The following FLYWCH2 variants were observed in gnomAD, a reference collection of about 807,000 sequenced individuals.
FLYWCH2 encodes FLYWCH family member 2.
In FLYWCH2, 2 loss-of-function variants were observed where a neutral mutation model predicts 6.0. The ratio of observed to expected loss-of-function variants is 0.33; its 90% CI spans 0.14 to 1.04. The LOEUF is 1.04. Ranked by LOEUF, FLYWCH2 falls within the 50% of genes least tolerant of loss-of-function variation. The pLI is 0.45. For synonymous variants in FLYWCH2, 87 were observed against 79.3 expected (o/e 1.10, Z -0.52); for missense variants, 192 against 183.4 (o/e 1.05, Z -0.27).
intron 1 of FLYWCH2, among the ~76,000 whole-genome samples, chr16:2,892,053 G>A (rs2069763718): frequency 6.6e-6 from 1 of 151,240 alleles, no homozygotes; most frequent in Non-Finnish European, 1.5e-5. Context: ...TTAGCTGGGA[G>A]TAGTGGCCGG....
rs758884212 is a variant in FLYWCH2 at position 2,896,599 on chromosome 16, C to T, written c.150C>T (p.Asp50=). Residue 50 remains aspartate (D), a synonymous_variant, in exon 3 of 4, where the codon GAC becomes GAT. Transcript: ENST00000396958. ...SKLVLLTASK[D]STKVAGAKRK... is the part of the protein sequence containing the mutation. Reference sequence around the variant, plus strand: ...TGGTCCTGCTCACAGCCTCCAAAGACAGCACCAAGGTGGCGGGGGCCAAGC... The same window carrying T: ...TGGTCCTGCTCACAGCCTCCAAAGATAGCACCAAGGTGGCGGGGGCCAAGC... The T allele has an allele frequency of 6.2e-7, 1 of 1,614,180 alleles. No homozygotes were observed.
chr16:2,891,719 A>G (rs1222164113), intron 1 of FLYWCH2, among the ~76,000 whole-genome samples: 1 of 147,930 alleles, frequency 6.8e-6, no homozygotes, highest in Non-Finnish European at 1.5e-5. Flanking sequence ...CTTTTATTTT[A>G]TTTAATTTGT....
chr16:2,899,274 T>G lies in FLYWCH2; in HGVS notation c.*125T>G. 1 of 575,456 alleles carries G rather than the reference T, an allele frequency of 1.7e-6. No homozygotes were observed. The highest frequency in any genetic ancestry group is 2.9e-6 in the Non-Finnish European group (1 of 344,208). The allele number at this position is 575,456 out of a possible 1,614,324, so 35.6% of individuals were successfully genotyped here. ...ACATTGTGTGATTTCTTTTCTTTTT[T>G]TTTTTTTTTTTAGATCAAGTATAAG... On this transcript the variant is annotated 3_prime_UTR_variant, in exon 4 of 4. Coordinates refer to ENST00000396958, the MANE Select transcript of FLYWCH2 (RefSeq NM_138439.3).
Position 2,899,238 on chromosome 16 carries a change from C to A in FLYWCH2, c.*89C>A. 1.2e-4 allele frequency: 72 copies of A among 615,224 alleles called. No individual in the cohort carries two copies. The highest frequency in any genetic ancestry group is 1.7e-4 in the Non-Finnish European group (64 of 376,634). The allele number at this position is 615,224 out of a possible 1,614,324, so 38.1% of individuals were successfully genotyped here. ...GGCTTCTGGGGCCAAATGGGTGAATCTTTGCTTTTAACATTGTGTGATTTC... is the reference window on the plus strand; with the variant it reads ...GGCTTCTGGGGCCAAATGGGTGAATATTTGCTTTTAACATTGTGTGATTTC... On this transcript the variant is annotated 3_prime_UTR_variant, in exon 4 of 4. Coordinates refer to ENST00000396958, the MANE Select transcript of FLYWCH2 (RefSeq NM_138439.3).
chr16:2,897,626 A>G (rs1396207858), intron 3 of FLYWCH2, among the ~76,000 whole-genome samples: 1 of 152,158 alleles, frequency 6.6e-6, no homozygotes, highest in Non-Finnish European at 1.5e-5. Context: ...ATGGGATGAG[A>G]GCAGGGCTGC....
At chr16:2,898,755 A>G (rs1212243466) in intron 3 of FLYWCH2, 2 of 305,186 alleles carry the variant, frequency 6.6e-6, no homozygotes. Flanking sequence ...CAACTCCTCC[A>G]TCCTTCCATC....
At chr16:2,895,161 G>A (rs2069804291) in intron 1 of FLYWCH2, 59 bp from the exon 2 acceptor site, 1 of 152,258 alleles carries the variant, frequency 6.6e-6, no homozygotes, top group African/African-American at 2.4e-5. Context: ...CAGCACCAGT[G>A]TGGGGTGGCC....
Position 2,896,499 on chromosome 16 carries a change from G to A in FLYWCH2, c.50G>A (p.Ser17Asn), listed in dbSNP as rs2069821582. 1.2e-6 allele frequency: 2 copies of A among 1,614,056 alleles called. No homozygotes were observed. Among genetic ancestry groups the A allele is most frequent in the African/African-American group, 1.3e-5 (1 of 75,056 alleles). The change falls in exon 3 of 4, where the codon AGC becomes AAC. Residue 17 changes from serine (S) to asparagine (N), a missense_variant. Coordinates refer to ENST00000396958, the MANE Select transcript of FLYWCH2 (RefSeq NM_138439.3). The stretch of plus-strand genomic sequence containing the variant: ...CAGGAGGGTGAGAGTGTGAAGGCCA[G>A]CCAGGAGCCATCCCCCAAGCCAGGC... The part of the protein sequence containing the change: ...SEQEGESVKA[S>N]QEPSPKPGTE...
At chr16:2,898,770 C>G (rs1022681442) in intron 3 of FLYWCH2, 4 of 330,502 alleles carry the variant, frequency 1.2e-5, no homozygotes, top group African/African-American at 8.6e-5. Flanking sequence ...TCCATCCCCA[C>G]CCCAGGTCCA....
Position 2,899,268 on chromosome 16 carries a change from CTTTTTT to C in FLYWCH2, c.*131_*136del. On this transcript the variant is annotated 3_prime_UTR_variant, in exon 4 of 4. Coordinates refer to ENST00000396958, the MANE Select transcript of FLYWCH2 (RefSeq NM_138439.3). Reference sequence around the variant, plus strand: ...CTTTTAACATTGTGTGATTTCTTTTCTTTTTTTTTTTTTTTTTAGATCAAGTATAAG... The same window carrying C: ...CTTTTAACATTGTGTGATTTCTTTTCTTTTTTTTTTTAGATCAAGTATAAG... The C allele has an allele frequency of 4.7e-6, 2 of 424,428 alleles. No homozygotes were observed. Among genetic ancestry groups the C allele is most frequent in the East Asian group, 3.8e-5 (1 of 26,306 alleles). The allele number at this position is 424,428 out of a possible 1,614,324, so 26.3% of individuals were successfully genotyped here. A position where few individuals can be genotyped will look rare whatever the true frequency, so the allele number is the denominator to read the frequency against.
At chr16:2,894,702 C>A (rs149760092) in intron 1 of FLYWCH2, among the ~76,000 whole-genome samples, 2 of 152,234 alleles carry the variant, frequency 1.3e-5, no homozygotes. Flanking sequence ...CCCACCCCCT[C>A]GAGAAGGTGC....
intron 1 of FLYWCH2, among the ~76,000 whole-genome samples, chr16:2,888,231 A>T (rs2069720372): frequency 6.6e-6 from 1 of 151,942 alleles, no homozygotes; most frequent in African/African-American, 2.4e-5. Context: ...GCTGGTCTCA[A>T]ACTCCTGAGT....
At chr16:2,884,915 G>C (rs2069681649) in intron 1 of FLYWCH2, among the ~76,000 whole-genome samples, 1 of 151,952 alleles carries the variant, frequency 6.6e-6, no homozygotes, top group Non-Finnish European at 1.5e-5. Flanking sequence ...GATTCTTAGG[G>C]ATAGTGACAT....
At position 2,896,274 on chromosome 16, in the gene FLYWCH2, C is replaced by T. The variant is rs2069818186; in HGVS notation, c.-98-78C>T. The T allele has an allele frequency of 1.5e-5, 12 of 782,814 alleles. No homozygotes were observed. In the East Asian group the frequency reaches 2.8e-4, roughly 18 times the overall value. 48.5% of individuals were successfully genotyped at this position (782,814 alleles called of 1,614,324 possible). On this transcript the variant is annotated intron_variant, in intron 2 of 3. Transcript: ENST00000396958. ...GCGAGCAGTGAGGCAGCCCCATCTG[C>T]CCCACCTCCCTCCCAGATCCACGTC...
At chr16:2,894,943 A>G (rs2069801487) in intron 1 of FLYWCH2, among the ~76,000 whole-genome samples, 1 of 152,178 alleles carries the variant, frequency 6.6e-6, no homozygotes, top group African/African-American at 2.4e-5. Flanking sequence ...AGGTTGGGGA[A>G]TCGGCCCGAG....
chr16:2,894,285 C>A (rs533194883), intron 1 of FLYWCH2, among the ~76,000 whole-genome samples: 1 of 152,082 alleles, frequency 6.6e-6, no homozygotes. Context: ...AGTCTGGGAG[C>A]GCTGCAGTGG....
Position 2,883,274 on chromosome 16 carries a change from T to C in FLYWCH2, c.-292T>C, listed in dbSNP as rs2069660251. On this transcript the variant is annotated 5_prime_UTR_variant, in exon 1 of 4. Transcript: ENST00000396958. ...CTCGCGCTGTGACCCCGGCTTGAGG[T>C]AACAGCGCGAGCTGAGGCTGGGGCC... 6.6e-6 allele frequency: 1 copy of C among 152,264 alleles called. No homozygotes were observed. The highest frequency in any genetic ancestry group is 6.5e-5 in the Admixed American group (1 of 15,294). 9.4% of individuals were successfully genotyped at this position (152,264 alleles called of 1,614,324 possible). A position where few individuals can be genotyped will look rare whatever the true frequency, so the allele number is the denominator to read the frequency against.
At chr16:2,887,316 T>TC (rs1278134954) in intron 1 of FLYWCH2, among the ~76,000 whole-genome samples, 61 of 140,126 alleles carry the variant, frequency 4.4e-4, no homozygotes, top group Admixed American at 1.4e-3. Context: ...CGGCTTTCTT[T>TC]TTTTTTTTTT....
At position 2,899,052 on chromosome 16, in the gene FLYWCH2, C is replaced by G. The variant is rs1296478218; in HGVS notation, c.326C>G (p.Thr109Arg). 3.1e-6 allele frequency: 5 copies of G among 1,611,888 alleles called. No individual in the cohort carries two copies. The highest frequency in any genetic ancestry group is 4.2e-6 in the Non-Finnish European group (5 of 1,178,980). Residue 109 changes from threonine to arginine, a missense_variant, in exon 4 of 4, where the codon ACA (threonine) becomes AGA (arginine). Thr to Arg is a moderately conservative substitution (Grantham distance 71, BLOSUM62 -1). Transcript: ENST00000396958. ...EQKRSRQDPG[T>R]DRTEDSGLAA... The stretch of plus-strand genomic sequence containing the variant: ...GATCCACCCTCTTCTCTCGCAGGCA[C>G]AGACAGAACAGAAGACAGTGGATTA...
Sources: gnomAD v4.1 joint callset for allele counts (sites outside exome capture counted in the v4.1 genomes callset) on GRCh38, gnomAD v4.1.1 for gene constraint, MANE v1.5 for transcripts, NCBI Gene and HGNC (gene_info 2026-07-23, HGNC 2026-07-21) for gene names.